Variants in TTN observed in about 807,000 individuals in gnomAD.
The protein encoded by TTN is connectin.
A neutral mutation model predicts 3,223.0 loss-of-function variants in TTN; 1,525 were observed. The observed-to-expected ratio is 0.47, with a 90% CI of 0.45 to 0.49. The LOEUF (loss-of-function observed/expected upper bound fraction) is 0.49. Ranked by LOEUF, TTN falls within the 20% of genes least tolerant of loss-of-function variation. The pLI is 0.00. For missense variants in TTN, 40,786 were observed against 43,424.0 expected (o/e 0.94, Z 5.40); for synonymous variants, 14,094 against 15,161.0 (o/e 0.93, Z 5.17).
chr2:178,749,791 CTGG>C, intron 47 of TTN: 1 of 1,613,118 alleles, frequency 6.2e-7, no homozygotes, highest in Middle Eastern at 1.7e-4. Flanking sequence ...ACTGAAACTT[CTGG>C]TTCTGCTTTA....
In TTN at chr2:178,592,884, G is replaced by A. The variant is rs180965342; in HGVS notation, c.59235C>T (p.Thr19745=). ...ESCPETKYKV[T]GLRDGQTYKF... The stretch of plus-strand genomic sequence containing the variant: ...TATAGGTTTGACCGTCCCGAAGACC[G>A]GTGACTTTATATTTAGTTTCAGGAC... The change falls in exon 300 of 363, where the codon ACC becomes ACT. Residue 19745 remains threonine (T), a synonymous_variant. Coordinates refer to ENST00000589042, the MANE Select transcript of TTN (RefSeq NM_001267550.2). 73 of 1,613,398 alleles carry A rather than the reference G, an allele frequency of 4.5e-5. 1 individual carries two copies. Among genetic ancestry groups the A allele is most frequent in the Admixed American group, 1.0e-4 (6 of 59,962 alleles).
At chr2:178,715,386 T>A (rs552967470) in intron 89 of TTN, 107 bp downstream of exon 89, 1 of 1,515,196 alleles carries the variant, frequency 6.6e-7, no homozygotes, top group Non-Finnish European at 8.8e-7. Context: ...TTCTTTGTTG[T>A]GTCCTTTCCC....
Position 178,640,061 on chromosome 2 carries a change from T to C in TTN, c.40773A>G (p.Pro13591=), listed in dbSNP as rs368521608. 8.1e-6 allele frequency: 13 copies of C among 1,612,144 alleles called. No homozygotes were observed. In the African/African-American group the frequency reaches 1.5e-4, roughly 18 times the overall value. ...AAGCTTGCTCACCTGCTTCGGGCTT[T>C]GGTTTCGGTTCAGGTGCAGGGAGAG... The part of the protein sequence containing the change: ...AIPLPAPEPK[P]KPEAEVKTIK... The change falls in exon 222 of 363, where the codon CCA becomes CCG. Residue 13591 remains proline, a synonymous_variant. Transcript: ENST00000589042.
In TTN at chr2:178,571,208, T is replaced by C. The variant is rs548753396; in HGVS notation, c.74924A>G (p.Glu24975Gly). 6.2e-7 allele frequency: 1 copy of C among 1,613,508 alleles called. No individual in the cohort carries two copies. Among genetic ancestry groups the C allele is most frequent in the South Asian group, 1.1e-5 (1 of 91,082 alleles). Residue 24975 changes from glutamate to glycine, a missense_variant, in exon 326 of 363, where the codon GAA becomes GGA. Glu to Gly is a moderately conservative substitution (Grantham distance 98). Coordinates refer to ENST00000589042, the MANE Select transcript of TTN (RefSeq NM_001267550.2). ...GACTCTAAATTCATATTCAACACCT[T>C]CTTCAAGGCCAGTTGTCTTAAACTT... ...QTKFKTTGLE[E>G]GVEYEFRVSA...
At position 178,532,483 on chromosome 2, in the gene TTN, G is replaced by T. The variant is rs767826322; in HGVS notation, c.104132C>A (p.Ser34711Tyr). The stretch of plus-strand genomic sequence containing the variant: ...CACCTTGACATGAGCTTGTGGTGAA[G>T]AGTAACGTAGGCTAGAAAGCTCAAA... Reference protein sequence around the residue: ...PHFELSSLRYSSPQAHVKVEE... With the variant: ...PHFELSSLRYYSPQAHVKVEE... Residue 34711 changes from serine to tyrosine, a missense_variant, in exon 358 of 363, where the codon TCT (serine) becomes TAT (tyrosine). Transcript: ENST00000589042. 1 of 1,614,016 alleles carries T rather than the reference G, an allele frequency of 6.2e-7. No homozygotes were observed. The highest frequency in any genetic ancestry group is 8.5e-7 in the Non-Finnish European group (1 of 1,179,880).
At chr2:178,745,599 G>A (rs1259832138) in intron 47 of TTN, 38 of 1,612,418 alleles carry the variant, frequency 2.4e-5, no homozygotes, top group Non-Finnish European at 3.2e-5. Context: ...GTTAAGGTGA[G>A]TGCTGCAAAG....
At chr2:178,605,350 A>C (rs2054527559) in intron 279 of TTN, 55 bp from the exon 280 acceptor site, 8 of 1,531,188 alleles carry the variant, frequency 5.2e-6, no homozygotes, top group African/African-American at 1.4e-5. Context: ...TGTTTTTTTC[A>C]ACTTATGGGA....
chr2:178,529,991 A>G lies in TTN; in HGVS notation c.106500T>C (p.Ser35500=), dbSNP rs773338600. Residue 35500 remains serine, a synonymous_variant, in exon 359 of 363, where the codon TCT becomes TCC. Coordinates refer to ENST00000589042, the MANE Select transcript of TTN (RefSeq NM_001267550.2). ...TTGTTAATTTGCAGCTAGAGGACACAGATCCAGCTGAATTTTTTACTGTAC... is the reference window on the plus strand; with the variant it reads ...TTGTTAATTTGCAGCTAGAGGACACGGATCCAGCTGAATTTTTTACTGTAC... ...YTCTVKNSAG[S]VSSSCKLTIK... 2.5e-6 allele frequency: 4 copies of G among 1,602,658 alleles called. No individual in the cohort carries two copies. Among genetic ancestry groups the G allele is most frequent in the Non-Finnish European group, 2.5e-6 (3 of 1,177,324 alleles).
intron 162 of TTN, 74 bp from the exon 163 acceptor site, chr2:178,666,975 G>A: frequency 9.2e-7 from 1 of 1,082,340 alleles, no homozygotes; most frequent in African/African-American, 1.6e-5. Flanking sequence ...AAGAAAGTTA[G>A]ATATGTTAAT....
intron 78 of TTN, 83 bp downstream of exon 78, chr2:178,721,764 A>G: frequency 7.1e-7 from 1 of 1,399,958 alleles, no homozygotes; most frequent in Non-Finnish European, 9.4e-7. Context: ...TCTCTCAAAC[A>G]TTTAAAAACC....
chr2:178,781,204 A>G lies in TTN; in HGVS notation c.3440T>C (p.Phe1147Ser). 1 of 1,614,094 alleles carries G rather than the reference A, an allele frequency of 6.2e-7. No homozygotes were observed. Among genetic ancestry groups the G allele is most frequent in the Non-Finnish European group, 8.5e-7 (1 of 1,179,976 alleles). The change falls in exon 21 of 363, where the codon TTT (phenylalanine) becomes TCT (serine). Residue 1147 changes from phenylalanine to serine, a missense_variant. By Grantham distance (155) the Phe-to-Ser change is radical. Coordinates refer to ENST00000589042, the MANE Select transcript of TTN (RefSeq NM_001267550.2). ...GECKLVISMT[F>S]ADDAGEYTIV... ...AGTGTATTCTCCAGCATCATCAGCA[A>G]AAGTCATAGAAATCACCAGCTTGCA...
At position 178,611,772 on chromosome 2, in the gene TTN, A is replaced by C. The variant is rs753344121; in HGVS notation, c.50537T>G (p.Ile16846Ser). ...GCACTACTTACTTGTTGGATCTTCAATGGATAGGATTTCTGTGGGTTCACT... is the reference window on the plus strand; with the variant it reads ...GCACTACTTACTTGTTGGATCTTCACTGGATAGGATTTCTGTGGGTTCACT... ...HPSEPTEILSIEDPTSPPSPP... is the reference protein window; with the variant it reads ...HPSEPTEILSSEDPTSPPSPP... Residue 16846 changes from isoleucine to serine, a missense_variant, in exon 268 of 363, where the codon ATT (isoleucine) becomes AGT (serine). Ile to Ser is a moderately radical substitution (Grantham distance 142). Transcript: ENST00000589042. 6 of 1,611,936 alleles carry C rather than the reference A, an allele frequency of 3.7e-6. No individual in the cohort carries two copies. In the East Asian group the frequency reaches 8.9e-5, roughly 24 times the overall value.
intron 48 of TTN, 103 bp downstream of exon 48, chr2:178,739,038 C>T (rs2082013606): frequency 1.5e-6 from 2 of 1,331,018 alleles, no homozygotes; most frequent in Non-Finnish European, 9.8e-7. Context: ...AAATAAATTA[C>T]ATTCTGGAAG....
In TTN at chr2:178,672,351, T is replaced by C. The variant is rs555467531; in HGVS notation, c.34930+56A>G. The C allele has an allele frequency of 2.5e-6, 4 of 1,599,056 alleles. No homozygotes were observed. In the Admixed American group the frequency reaches 5.1e-5, roughly 20 times the overall value. The stretch of plus-strand genomic sequence containing the variant: ...CATTCAAAATATATATTTTTAAAAC[T>C]GAATAAAGGATTGCATGCAACAATA... On this transcript the variant is annotated intron_variant, in intron 154 of 362. Coordinates refer to ENST00000589042, the MANE Select transcript of TTN (RefSeq NM_001267550.2).
Position 178,567,226 on chromosome 2 carries a change from T to G in TTN, c.78906A>C (p.Glu26302Asp), listed in dbSNP as rs534003014. The G allele has an allele frequency of 1.9e-4, 308 of 1,609,020 alleles. No individual in the cohort carries two copies. Among genetic ancestry groups the G allele is most frequent in the Non-Finnish European group, 2.4e-4 (284 of 1,177,116 alleles). Residue 26302 changes from glutamate to aspartate, a missense_variant, in exon 326 of 363, where the codon GAA becomes GAC. Physicochemically the swap from Glu to Asp is conservative, Grantham distance 45. Transcript: ENST00000589042. ...GTGGAGACCATGTTAAAGAGCATTT[T>G]TCAGAAGTGACTCCAGTAACCTGGA... The part of the protein sequence containing the change: ...GPVQVTGVTS[E>D]KCSLTWSPPL...
In TTN at chr2:178,571,964, T is replaced by C. The variant is rs1708346317; in HGVS notation, c.74168A>G (p.Asn24723Ser). 2 of 1,613,324 alleles carry C rather than the reference T, an allele frequency of 1.2e-6. No homozygotes were observed. The highest frequency in any genetic ancestry group is 2.2e-5 in the East Asian group (1 of 44,706). The part of the protein sequence containing the change: ...VIPPAFKLLF[N>S]TFTVLAGEDL... ...TTCACCTGCCAGTACAGTGAAAGTA[T>C]TGAACAGGAGTTTGAAGGCTGGTGG... Residue 24723 changes from asparagine (N) to serine (S), a missense_variant, in exon 326 of 363, where the codon AAT becomes AGT. Coordinates refer to ENST00000589042, the MANE Select transcript of TTN (RefSeq NM_001267550.2).
rs1385757504 is a variant in TTN at position 178,702,027 on chromosome 2, C to G, written c.30538+13G>C. The stretch of plus-strand genomic sequence containing the variant: ...TATTGTAAGCAAGGATTGATTTTTA[C>G]AAAACAACTTACCAGGAGGCTTCAG... On this transcript the variant is annotated intron_variant, in intron 109 of 362. Transcript: ENST00000589042. 1 of 1,608,296 alleles carries G rather than the reference C, an allele frequency of 6.2e-7. No individual in the cohort carries two copies. The highest frequency in any genetic ancestry group is 8.5e-7 in the Non-Finnish European group (1 of 1,177,188).
Position 178,611,109 on chromosome 2 carries a change from T to C in TTN, c.51020A>G (p.His17007Arg). The C allele has an allele frequency of 6.2e-7, 1 of 1,612,848 alleles. No homozygotes were observed. Among genetic ancestry groups the C allele is most frequent in the Non-Finnish European group, 8.5e-7 (1 of 1,179,224 alleles). The change falls in exon 270 of 363, where the codon CAC becomes CGC. Residue 17007 changes from histidine (H) to arginine (R), a missense_variant. Coordinates refer to ENST00000589042, the MANE Select transcript of TTN (RefSeq NM_001267550.2). ...GGGAACTTCAAGGTGTGCAGAGATGTGATCATTCTTCATTGTTAATCTATC... is the reference window on the plus strand; with the variant it reads ...GGGAACTTCAAGGTGTGCAGAGATGCGATCATTCTTCATTGTTAATCTATC... ...ASDRLTMKND[H>R]ISAHLEVPKS...
At chr2:178,714,236 A>G (rs1336145194) in intron 91 of TTN, 56 bp downstream of exon 91, 2 of 1,592,372 alleles carry the variant, frequency 1.3e-6, no homozygotes, top group Non-Finnish European at 1.7e-6. Flanking sequence ...TAAAGAAAAT[A>G]CAGATCCTGG....
Sources: allele counts gnomAD v4.1 joint callset, GRCh38; gene constraint gnomAD v4.1.1; transcripts MANE v1.5; gene names NCBI Gene and HGNC (gene_info 2026-07-23, HGNC 2026-07-21).